The following SLIT3 variants were observed in gnomAD, a reference collection of about 807,000 sequenced individuals.
The protein encoded by SLIT3 is slit guidance ligand 3.
Under a neutral mutation model 184.0 loss-of-function variants are expected in SLIT3, and 68 were observed. The observed-to-expected ratio is 0.37, with a 90% CI of 0.30 to 0.45. The LOEUF (loss-of-function observed/expected upper bound fraction) is 0.45. Ranked by LOEUF, SLIT3 falls within the 20% of genes least tolerant of loss-of-function variation. SLIT3 has a pLI of 1.00. For missense variants in SLIT3, 1,707 were observed against 2,026.0 expected (o/e 0.84, Z 3.02); for synonymous variants, 831 against 828.6 (o/e 1.00, Z -0.05).
At chr5:168,686,501 G>A (rs1005380257) in intron 30 of SLIT3, among the ~76,000 whole-genome samples, 2 of 152,214 alleles carry the variant, frequency 1.3e-5, no homozygotes, top group Admixed American at 1.3e-4. Context: ...AATGCTGTAT[G>A]TGTCCATTTA....
intron 7 of SLIT3, among the ~76,000 whole-genome samples, chr5:168,819,223 G>C (rs1308231735): frequency 6.6e-6 from 1 of 152,260 alleles, no homozygotes; most frequent in Non-Finnish European, 1.5e-5. Context: ...TCCTAAGCTG[G>C]TGGGAAGGAC....
At chr5:169,196,292 T>C (rs571590071) in intron 3 of SLIT3, among the ~76,000 whole-genome samples, 1 of 152,292 alleles carries the variant, frequency 6.6e-6, no homozygotes, top group South Asian at 2.1e-4. Flanking sequence ...TGATGTGATG[T>C]ATGTGGGATT....
chr5:168,776,084 T>C (rs867015569), intron 12 of SLIT3, among the ~76,000 whole-genome samples: 17 of 152,202 alleles, frequency 1.1e-4, no homozygotes, highest in Non-Finnish European at 1.8e-4. Flanking sequence ...GTTCAGCCCC[T>C]CCCTGGTGGG....
chr5:168,834,003 C>A (rs1757962627), intron 6 of SLIT3, among the ~76,000 whole-genome samples: 1 of 152,222 alleles, frequency 6.6e-6, no homozygotes, highest in Non-Finnish European at 1.5e-5. Flanking sequence ...CAGCTCTGCA[C>A]AGACAGGACA....
Position 168,806,737 on chromosome 5 carries a change from C to G in SLIT3, c.794-150G>C. ...CTGACATCTCCCTTCACCTGGGAGA[C>G]ACAGGTGCCACAGGCTAAATATTCA... On this transcript the variant is annotated intron_variant, in intron 8 of 35. Coordinates refer to ENST00000519560, the MANE Select transcript of SLIT3 (RefSeq NM_003062.4). 3 of 813,820 alleles carry G rather than the reference C, an allele frequency of 3.7e-6. No homozygotes were observed. In the East Asian group the frequency reaches 8.1e-5, roughly 22 times the overall value. The allele number at this position is 813,820 out of a possible 1,614,324, so 50.4% of individuals were successfully genotyped here. A position where few individuals can be genotyped will look rare whatever the true frequency, so the allele number is the denominator to read the frequency against.
chr5:168,939,869 A>G (rs1311411271), intron 4 of SLIT3, among the ~76,000 whole-genome samples: 2 of 152,190 alleles, frequency 1.3e-5, no homozygotes, highest in Admixed American at 6.5e-5. Context: ...TGTGTTAAAG[A>G]TTTTGTATAT....
intron 4 of SLIT3, among the ~76,000 whole-genome samples, chr5:169,115,990 G>T (rs1029659876): frequency 6.6e-6 from 1 of 152,128 alleles, no homozygotes; most frequent in East Asian, 1.9e-4. Context: ...AAACCAATTA[G>T]ATAATAACAT....
intron 6 of SLIT3, 54 bp downstream of exon 6, chr5:168,844,530 C>T (rs1758383933): frequency 5.3e-6 from 8 of 1,510,630 alleles, no homozygotes; most frequent in Admixed American, 5.0e-5. Context: ...CAGACACACA[C>T]ACATACACAC....
Position 169,088,287 on chromosome 5 carries a change from G to A in SLIT3, c.413+105192C>T, listed in dbSNP as rs1396801934. ...GTCTCATCTTAGCCAGGTGGTTCAC[G>A]GTGTTTCAGAAGACACAGCACGTAT... On this transcript the variant is annotated intron_variant, in intron 4 of 35. Transcript: ENST00000519560. Among the ~76,000 whole-genome samples the A allele has an allele frequency of 2.6e-5, 4 of 152,064 alleles. 1 individual carries two copies. The South Asian group carries it at 6.2e-4, about 24-fold the overall frequency.
At chr5:168,852,438 G>A (rs1561968520) in intron 5 of SLIT3, among the ~76,000 whole-genome samples, 1 of 152,208 alleles carries the variant, frequency 6.6e-6, no homozygotes, top group Non-Finnish European at 1.5e-5. Context: ...AGCCAGAGCT[G>A]AGACATTTCT....
intron 1 of SLIT3, among the ~76,000 whole-genome samples, chr5:169,267,345 C>G (rs1766433801): frequency 6.6e-6 from 1 of 152,128 alleles, no homozygotes; most frequent in Admixed American, 6.5e-5. Context: ...AAAAGTTTAG[C>G]TAAACTAATA....
intron 4 of SLIT3, among the ~76,000 whole-genome samples, chr5:168,907,959 TATATATATATATATATATATAGAG>T (rs1562000068): frequency 6.5e-4 from 57 of 88,146 alleles, no homozygotes; most frequent in East Asian, 1.2e-3. Context: ...TATATATATA[TATATATATATATATATATATAGAG>T]AGAGAGAGAG....
At chr5:168,996,410 G>A (rs963605240) in intron 4 of SLIT3, among the ~76,000 whole-genome samples, 8 of 152,150 alleles carry the variant, frequency 5.3e-5, no homozygotes, top group Admixed American at 4.6e-4. Flanking sequence ...GGAAAATGGA[G>A]CTAAAGTTTC....
intron 1 of SLIT3, among the ~76,000 whole-genome samples, chr5:169,262,195 A>T (rs368552677): frequency 6.6e-6 from 1 of 152,226 alleles, no homozygotes; most frequent in Non-Finnish European, 1.5e-5. Context: ...TGCTATCATT[A>T]TATGACAATA....
chr5:168,712,426 G>GT, intron 23 of SLIT3, 72 bp from the exon 24 acceptor site: 3 of 1,341,976 alleles, frequency 2.2e-6, no homozygotes, highest in African/African-American at 1.4e-5. Flanking sequence ...AGGGCCTCCA[G>GT]TGCCTGGCCC....
chr5:169,116,109 G>A lies in SLIT3; in HGVS notation c.413+77370C>T, dbSNP rs77310136. Among the ~76,000 whole-genome samples, 16 of 152,256 alleles carry A rather than the reference G, an allele frequency of 1.1e-4. No homozygotes were observed. The East Asian group carries it at 2.9e-3, about 28-fold the overall frequency. On this transcript the variant is annotated intron_variant, in intron 4 of 35. Transcript: ENST00000519560. The stretch of plus-strand genomic sequence containing the variant: ...TCAGGGCTTCTCTGTGAGAGATGAG[G>A]ATATGGAGAGATAATTATTGCAGGG...
At chr5:168,831,385 C>T (rs1312648531) in intron 6 of SLIT3, among the ~76,000 whole-genome samples, 1 of 152,088 alleles carries the variant, frequency 6.6e-6, no homozygotes. Context: ...CCTGGACTAT[C>T]CTGGGTGCTG....
At chr5:169,172,418 A>C (rs1762846367) in intron 4 of SLIT3, among the ~76,000 whole-genome samples, 1 of 152,226 alleles carries the variant, frequency 6.6e-6, no homozygotes, top group African/African-American at 2.4e-5. Flanking sequence ...GTCTATAGTC[A>C]AAAGGTGTTT....
At chr5:168,883,225 T>G in intron 5 of SLIT3, 40 bp downstream of exon 5, 9 of 1,563,686 alleles carry the variant, frequency 5.8e-6, no homozygotes, top group Non-Finnish European at 7.9e-6. Flanking sequence ...AGAGCCCAAG[T>G]TAGCCACATA....
Sources: allele counts gnomAD v4.1 joint callset (sites outside exome capture counted in the v4.1 genomes callset), GRCh38; gene constraint gnomAD v4.1.1; transcripts MANE v1.5; gene names NCBI Gene and HGNC (gene_info 2026-07-23, HGNC 2026-07-21).